PLCB1: variants seen among roughly 807,000 people sequenced by gnomAD.
PLCB1 encodes phospholipase C beta 1.
PLCB1 carries 46 observed loss-of-function variants against 161.8 expected under a neutral mutation model. The ratio of observed to expected loss-of-function variants is 0.28; its 90% CI spans 0.22 to 0.36. The LOEUF is 0.36. Ranked by LOEUF, PLCB1 falls within the 10% of genes least tolerant of loss-of-function variation. The pLI, the probability that PLCB1 is intolerant of heterozygous loss-of-function variation, is 1.00. For missense variants in PLCB1, 1,016 were observed against 1,472.5 expected, an observed-to-expected ratio of 0.69 and a Z score of 5.07; for synonymous variants, 517 against 503.7, an observed-to-expected ratio of 1.03 and a Z score of -0.35.
chr20:8,691,850 G>C (rs1428607604), intron 10 of PLCB1, among the ~76,000 whole-genome samples: 2 of 152,114 alleles, frequency 1.3e-5, no homozygotes, highest in East Asian at 3.9e-4. Context: ...TCACTTTTTG[G>C]ATTTGGGGTG....
At chr20:8,338,819 G>A (rs1301778097) in intron 2 of PLCB1, among the ~76,000 whole-genome samples, 3 of 152,022 alleles carry the variant, frequency 2.0e-5, no homozygotes, top group South Asian at 4.2e-4. Flanking sequence ...ACCCCTGCAC[G>A]CACATAAAAT....
intron 23 of PLCB1, among the ~76,000 whole-genome samples, chr20:8,754,908 T>C (rs1280165596): frequency 1.3e-5 from 2 of 152,232 alleles, no homozygotes; most frequent in African/African-American, 4.8e-5. Flanking sequence ...GAACAACACA[T>C]ACACAATCCT....
intron 27 of PLCB1, among the ~76,000 whole-genome samples, chr20:8,784,896 A>G (rs954069026): frequency 2.0e-5 from 3 of 152,076 alleles, no homozygotes; most frequent in Non-Finnish European, 2.9e-5. Flanking sequence ...TTTCAGAGCT[A>G]TCGCTGAGGT....
intron 3 of PLCB1, among the ~76,000 whole-genome samples, chr20:8,385,892 T>G (rs1987412843): frequency 6.6e-6 from 1 of 152,194 alleles, no homozygotes; most frequent in African/African-American, 2.4e-5. Flanking sequence ...TGGTGGAGGA[T>G]TCACACACTA....
At chr20:8,694,834 T>C (rs1295513707) in intron 10 of PLCB1, among the ~76,000 whole-genome samples, 1 of 152,224 alleles carries the variant, frequency 6.6e-6, no homozygotes, top group East Asian at 1.9e-4. Context: ...TTAATACCGG[T>C]GCAATTTTCT....
At chr20:8,778,747 A>G (rs966274291) in intron 27 of PLCB1, among the ~76,000 whole-genome samples, 1 of 152,194 alleles carries the variant, frequency 6.6e-6, no homozygotes, top group African/African-American at 2.4e-5. Flanking sequence ...TGTTACACAC[A>G]CCTATCCCAG....
intron 10 of PLCB1, 70 bp downstream of exon 10, chr20:8,685,148 G>T (rs993577386): frequency 2.1e-6 from 3 of 1,427,594 alleles, no homozygotes; most frequent in Non-Finnish European, 2.9e-6. Flanking sequence ...ACTTTCTGTT[G>T]TTCGGAAGCT....
chr20:8,596,949 T>C (rs1243920860), intron 3 of PLCB1, among the ~76,000 whole-genome samples: 1 of 152,292 alleles, frequency 6.6e-6, no homozygotes, highest in East Asian at 1.9e-4. Context: ...TGCACGTTGA[T>C]TTTGTATCCT....
At chr20:8,168,938 C>T (rs1280347218) in intron 2 of PLCB1, among the ~76,000 whole-genome samples, 3 of 152,084 alleles carry the variant, frequency 2.0e-5, no homozygotes, top group Non-Finnish European at 2.9e-5. Context: ...GGGCCCACAA[C>T]ATGCATTTTT....
At chr20:8,339,344 T>C (rs1985713134) in intron 2 of PLCB1, among the ~76,000 whole-genome samples, 1 of 152,132 alleles carries the variant, frequency 6.6e-6, no homozygotes, top group Admixed American at 6.5e-5. Context: ...CAGTCTTATA[T>C]ATCACTGAGC....
intron 3 of PLCB1, among the ~76,000 whole-genome samples, chr20:8,387,328 C>G (rs1442620739): frequency 6.6e-6 from 1 of 152,066 alleles, no homozygotes; most frequent in Non-Finnish European, 1.5e-5. Flanking sequence ...ATTAACTGGC[C>G]TAATTTCAAT....
chr20:8,484,292 TG>T (rs1254147825), intron 3 of PLCB1, among the ~76,000 whole-genome samples: 1 of 152,016 alleles, frequency 6.6e-6, no homozygotes, highest in East Asian at 1.9e-4. Context: ...CCCAAAGTGC[TG>T]GGATTATAGG....
chr20:8,601,180 A>C (rs2123142206), intron 3 of PLCB1, among the ~76,000 whole-genome samples: 1 of 152,314 alleles, frequency 6.6e-6, no homozygotes, highest in South Asian at 2.1e-4. Context: ...GCTAAAAATA[A>C]CCTAAACATG....
chr20:8,830,046 T>C (rs1985908101), intron 31 of PLCB1, among the ~76,000 whole-genome samples: 1 of 152,228 alleles, frequency 6.6e-6, no homozygotes, highest in South Asian at 2.1e-4. Flanking sequence ...TAACTGCTGG[T>C]CCAAGAGATG....
chr20:8,273,892 G>C (rs1211219874), intron 2 of PLCB1, among the ~76,000 whole-genome samples: 1 of 152,074 alleles, frequency 6.6e-6, no homozygotes, highest in Admixed American at 6.6e-5. Flanking sequence ...GGGAAAATCT[G>C]TTTCCTGATC....
At chr20:8,181,248 CAA>C (rs60871672) in intron 2 of PLCB1, among the ~76,000 whole-genome samples, 838 of 81,268 alleles carry the variant, frequency 0.01, 3 homozygotes, top group African/African-American at 0.029. Flanking sequence ...GACTCTGTCT[CAA>C]AAAAAAAAAA....
chr20:8,549,980 T>G (rs897158626), intron 3 of PLCB1, among the ~76,000 whole-genome samples: 1 of 152,264 alleles, frequency 6.6e-6, no homozygotes, highest in South Asian at 2.1e-4. Context: ...TCCTGAGGCC[T>G]TTGGCTGGAT....
At chr20:8,135,883 GGAA>G (rs1401706512) in intron 1 of PLCB1, among the ~76,000 whole-genome samples, 1 of 152,174 alleles carries the variant, frequency 6.6e-6, no homozygotes, top group Non-Finnish European at 1.5e-5. Context: ...GGTAGACAGT[GGAA>G]GGAGAGTTAC....
At chr20:8,523,707 C>T (rs1984471471) in intron 3 of PLCB1, among the ~76,000 whole-genome samples, 1 of 151,048 alleles carries the variant, frequency 6.6e-6, no homozygotes. Context: ...TTTAAACCCA[C>T]TAAAAGGGGA....
Sources: allele counts gnomAD v4.1 joint callset (sites outside exome capture counted in the v4.1 genomes callset), GRCh38; gene constraint gnomAD v4.1.1; transcripts MANE v1.5; gene names NCBI Gene and HGNC (gene_info 2026-07-23, HGNC 2026-07-21).